SEMA4F: variants seen among roughly 807,000 people sequenced by gnomAD.
SEMA4F encodes ssemaphorin 4F, also known as semaphorin-4F.
In SEMA4F, 51 loss-of-function variants were observed where a neutral mutation model predicts 78.4. The ratio of observed to expected loss-of-function variants is 0.65; its 90% CI spans 0.52 to 0.82. The LOEUF (loss-of-function observed/expected upper bound fraction) is 0.82, where lower values mean the gene tolerates loss of function less well. Ranked by LOEUF, SEMA4F falls within the 40% of genes least tolerant of loss-of-function variation. The pLI is 0.00. For synonymous variants in SEMA4F, 418 were observed against 408.7 expected, an observed-to-expected ratio of 1.02 and a Z score of -0.27; for missense variants, 938 against 1,014.4, an observed-to-expected ratio of 0.92 and a Z score of 1.02.
At chr2:74,672,338 T>TA (rs1484588385) in intron 5 of SEMA4F, among the ~76,000 whole-genome samples, 1 of 152,208 alleles carries the variant, frequency 6.6e-6, no homozygotes, top group Non-Finnish European at 1.5e-5. Flanking sequence ...GCCTCTGAGA[T>TA]ACTGTTCCCT....
downstream of SEMA4F, chr2:74,683,942 C>A (rs1189812459): frequency 6.6e-6 from 1 of 152,154 alleles, no homozygotes; most frequent in Non-Finnish European, 1.5e-5. Flanking sequence ...GATGAACCTA[C>A]CTATAGATAG....
chr2:74,666,674 G>A (rs1335441638), intron 5 of SEMA4F, among the ~76,000 whole-genome samples: 2 of 152,148 alleles, frequency 1.3e-5, no homozygotes, highest in Non-Finnish European at 2.9e-5. Context: ...TTTCAAGAAT[G>A]ATTCATTATG....
Position 74,656,634 on chromosome 2 carries a change from G to A in SEMA4F, c.246G>A (p.Arg82=). The A allele has an allele frequency of 6.2e-7, 1 of 1,614,092 alleles. No homozygotes were observed. Among genetic ancestry groups the A allele is most frequent in the Non-Finnish European group, 8.5e-7 (1 of 1,180,008 alleles). The change falls in exon 2 of 14, where the codon CGG becomes CGA. Residue 82 remains arginine (R), a synonymous_variant. Transcript: ENST00000357877. ...PASHTLYVGA[R]DTIFALSLPF... ...CCCACACACTTTATGTTGGCGCCCG[G>A]GACACCATCTTCGCTTTATCCCTGC...
chr2:74,700,020 G>A, the SEMA4F span, among the ~76,000 whole-genome samples: 1 of 152,150 alleles, frequency 6.6e-6, no homozygotes, highest in Non-Finnish European at 1.5e-5. Flanking sequence ...AGAGCCAGGA[G>A]GAGGATGAGG....
the SEMA4F span, among the ~76,000 whole-genome samples, chr2:74,697,723 C>A: frequency 6.6e-6 from 1 of 152,168 alleles, no homozygotes; most frequent in African/African-American, 2.4e-5. Context: ...AAGAAACAAT[C>A]TTTAGTTCAA....
chr2:74,668,117 A>G (rs988471410), intron 5 of SEMA4F, among the ~76,000 whole-genome samples: 2 of 152,208 alleles, frequency 1.3e-5, no homozygotes, highest in Non-Finnish European at 2.9e-5. Context: ...GACAGCAGTC[A>G]GTTGTCTTTG....
the SEMA4F span, among the ~76,000 whole-genome samples, chr2:74,693,282 G>A: frequency 2.6e-5 from 4 of 152,146 alleles, no homozygotes; most frequent in Non-Finnish European, 2.9e-5. Flanking sequence ...CACATCATTT[G>A]AAAATAATAC....
chr2:74,668,173 G>T (rs1684791024), intron 5 of SEMA4F, among the ~76,000 whole-genome samples: 2 of 127,796 alleles, frequency 1.6e-5, no homozygotes, highest in Admixed American at 1.4e-4. Context: ...CTATCAAGAA[G>T]AGCAGAAGAC....
In SEMA4F at chr2:74,654,535, G is replaced by A. The variant is rs58589093; in HGVS notation, c.145+14G>A. The A allele has an allele frequency of 1.3e-6, 2 of 1,539,116 alleles. No homozygotes were observed. The highest frequency in any genetic ancestry group is 8.7e-7 in the Non-Finnish European group (1 of 1,144,534). On this transcript the variant is annotated intron_variant, in intron 1 of 13. Transcript: ENST00000357877. The stretch of plus-strand genomic sequence containing the variant: ...TTCCAATCTCTGGTAAGGCGCGGAC[G>A]CCCACGCCCTCAGCCCTTCGCGCCC...
At chr2:74,684,105 T>A (rs1429191101), downstream of SEMA4F, among the ~76,000 whole-genome samples, 3 of 143,662 alleles carry the variant, frequency 2.1e-5, no homozygotes, top group Non-Finnish European at 3.0e-5. Flanking sequence ...TTTTTTTTTT[T>A]AACCAGACAA....
chr2:74,660,855 G>A (rs572974883), intron 4 of SEMA4F, among the ~76,000 whole-genome samples: 2 of 152,284 alleles, frequency 1.3e-5, no homozygotes, highest in East Asian at 3.9e-4. Context: ...TAAAAATATG[G>A]GCTAGAGTTT....
chr2:74,708,196 C>T, the SEMA4F span, among the ~76,000 whole-genome samples: 1 of 151,898 alleles, frequency 6.6e-6, no homozygotes, highest in African/African-American at 2.4e-5. Flanking sequence ...TAACTTATCC[C>T]AGAGCAAAGT....
At chr2:74,665,724 A>AT (rs1684658651) in intron 5 of SEMA4F, among the ~76,000 whole-genome samples, 2 of 152,000 alleles carry the variant, frequency 1.3e-5, no homozygotes, top group Non-Finnish European at 2.9e-5. Flanking sequence ...TGGATAGTTT[A>AT]TTTTTCTAGG....
rs539700145 is a variant in SEMA4F at position 74,666,935 on chromosome 2, G to A, written c.550+4110G>A. On this transcript the variant is annotated intron_variant, in intron 5 of 13. Transcript: ENST00000357877. ...AATGTAGAAATATATAAAGAAGAAA[G>A]TAAAAATGTTATTTGTAATTCTATC... is the stretch of plus-strand genomic sequence containing the variant. Among the ~76,000 whole-genome samples, 21 of 152,186 alleles carry A rather than the reference G, an allele frequency of 1.4e-4. No homozygotes were observed. In the East Asian group the frequency reaches 3.5e-3, roughly 25 times the overall value.
the SEMA4F span, among the ~76,000 whole-genome samples, chr2:74,705,004 C>T: frequency 1.3e-5 from 2 of 152,140 alleles, no homozygotes; most frequent in Non-Finnish European, 2.9e-5. Flanking sequence ...ACCACTCATC[C>T]TAGAAGGGAA....
At chr2:74,703,240 A>C in the SEMA4F span, among the ~76,000 whole-genome samples, 1 of 152,220 alleles carries the variant, frequency 6.6e-6, no homozygotes, top group Non-Finnish European at 1.5e-5. Flanking sequence ...AAGATACAAA[A>C]AAATCTTAAA....
chr2:74,659,071 T>C (rs1208518187), intron 4 of SEMA4F, among the ~76,000 whole-genome samples: 2 of 152,222 alleles, frequency 1.3e-5, no homozygotes, highest in Non-Finnish European at 2.9e-5. Flanking sequence ...CTTTTCATAA[T>C]GCAGGTGATA....
rs188282113 is a variant in SEMA4F, at chr2:74,671,467, C to T, written c.551-1990C>T. 1.7e-4 allele frequency among the ~76,000 whole-genome samples: 26 copies of T among 152,314 alleles called. No homozygotes were observed. The East Asian group carries it at 4.0e-3, about 24-fold the overall frequency. On this transcript the variant is annotated intron_variant, in intron 5 of 13. Coordinates refer to ENST00000357877, the MANE Select transcript of SEMA4F (RefSeq NM_004263.5). Reference sequence around the variant, plus strand: ...GGTTCTGGCTGAGGTTTCATGCACCCGCTTCCAGCACATCAGCCTGTCTTG... The same window carrying T: ...GGTTCTGGCTGAGGTTTCATGCACCTGCTTCCAGCACATCAGCCTGTCTTG...
chr2:74,689,724 C>T, the SEMA4F span, among the ~76,000 whole-genome samples: 52,760 of 152,130 alleles, frequency 0.35, 14,968 homozygotes, highest in East Asian at 0.82. Context: ...TCCTGACAGA[C>T]AGGAGCTGGC....
Sources: gnomAD v4.1 joint callset for allele counts (sites outside exome capture counted in the v4.1 genomes callset) on GRCh38, gnomAD v4.1.1 for gene constraint, MANE v1.5 for transcripts, NCBI Gene and HGNC (gene_info 2026-07-23, HGNC 2026-07-21) for gene names.